The following MATK variants were observed in gnomAD, a reference collection of about 807,000 sequenced individuals.
The protein encoded by MATK is megakaryocyte-associated tyrosine-protein kinase.
MATK carries 41 observed loss-of-function variants against 59.8 expected under a neutral mutation model. The observed-to-expected ratio is 0.69, with a 90% confidence interval of 0.53 to 0.89. MATK has a LOEUF of 0.89. Ranked by LOEUF, MATK falls within the 40% of genes least tolerant of loss-of-function variation. The pLI is 0.00. For synonymous variants in MATK, 308 were observed against 306.1 expected, an observed-to-expected ratio of 1.01 and a Z score of -0.06; for missense variants, 593 against 719.6, an observed-to-expected ratio of 0.82 and a Z score of 2.01.
chr19:3,798,377 G>T (rs1373683039), intron 1 of MATK, among the ~76,000 whole-genome samples: 1 of 152,030 alleles, frequency 6.6e-6, no homozygotes, highest in Non-Finnish European at 1.5e-5. Flanking sequence ...GGCGGGTGGG[G>T]GTGGGGGTCA....
chr19:3,780,768 AC>A (rs1457129590), intron 8 of MATK, among the ~76,000 whole-genome samples: 11 of 147,954 alleles, frequency 7.4e-5, no homozygotes, highest in Non-Finnish European at 1.3e-4. Context: ...ACAGGGTCTC[AC>A]TCTCTCACCC....
intron 1 of MATK, among the ~76,000 whole-genome samples, chr19:3,800,141 C>CAAA (rs1219497192): frequency 4.2e-4 from 36 of 85,566 alleles, no homozygotes; most frequent in African/African-American, 1.5e-3. Flanking sequence ...GACTCCGTCT[C>CAAA]AAAAAAAAAA....
rs1568406520 is a variant in MATK at position 3,783,214 on chromosome 19, G to A, written c.588C>T (p.Tyr196=). ...FCNLMDMVEH[Y]SKDKGAICTK... ...TGCAGATAGCGCCCTTGTCCTTGCTGTAATGCTGCAGGATGGTGGGACAGC... is the reference window on the plus strand; with the variant it reads ...TGCAGATAGCGCCCTTGTCCTTGCTATAATGCTGCAGGATGGTGGGACAGC... Residue 196 remains tyrosine (Y), a synonymous_variant, in exon 7 of 14, where the codon TAC becomes TAT. Coordinates refer to ENST00000310132, the MANE Select transcript of MATK (RefSeq NM_139355.3). 3 of 1,568,420 alleles carry A rather than the reference G, an allele frequency of 1.9e-6. No homozygotes were observed. Among genetic ancestry groups the A allele is most frequent in the Non-Finnish European group, 2.6e-6 (3 of 1,151,348 alleles).
chr19:3,778,994 C>A lies in MATK; in HGVS notation c.1195G>T (p.Gly399Trp). The change falls in exon 12 of 14, where the codon GGG (glycine) becomes TGG (tryptophan). Residue 399 changes from glycine to tryptophan, a missense_variant and splice_region_variant. Physicochemically the swap from Gly to Trp is radical, Grantham distance 184. Transcript: ENST00000310132. ...GGGTATGTGAAGGCAGGGCTCACCC[C>A]GTGTTTGAGAGCCTCGGGCGCCGTC... ...KWTAPEALKH[G>W]KFTSKSDVWS... The A allele has an allele frequency of 6.4e-7, 1 of 1,555,640 alleles. No homozygotes were observed. The highest frequency in any genetic ancestry group is 2.3e-5 in the East Asian group (1 of 44,302).
upstream of MATK, chr19:3,789,281 G>A: frequency 1.3e-6 from 1 of 779,076 alleles, no homozygotes; most frequent in Non-Finnish European, 2.4e-6. Flanking sequence ...ACCAGAAGCT[G>A]CTGCTGACCA....
upstream of MATK, among the ~76,000 whole-genome samples, chr19:3,787,974 G>A (rs894426388): frequency 6.6e-6 from 1 of 151,018 alleles, no homozygotes; most frequent in South Asian, 2.1e-4. Flanking sequence ...TGTTGCCCAG[G>A]CTGGCCTCAA....
chr19:3,800,843 T>C (rs1297319710), intron 1 of MATK, among the ~76,000 whole-genome samples: 2 of 152,172 alleles, frequency 1.3e-5, no homozygotes, highest in African/African-American at 2.4e-5. Flanking sequence ...TTTGCCATCT[T>C]AATCATTTTT....
chr19:3,798,065 TAATA>T (rs2037611485), intron 1 of MATK, among the ~76,000 whole-genome samples: 1 of 151,794 alleles, frequency 6.6e-6, no homozygotes, highest in Non-Finnish European at 1.5e-5. Flanking sequence ...TAAAAATAAA[TAATA>T]AATAAATAAG....
At chr19:3,795,639 G>A (rs1599208429) in intron 1 of MATK, among the ~76,000 whole-genome samples, 5 of 151,452 alleles carry the variant, frequency 3.3e-5, no homozygotes, top group South Asian at 4.2e-4. Context: ...GTAAAAAAAC[G>A]ATTTTAGCTG....
chr19:3,783,767 G>C (rs1427638740), intron 6 of MATK, 47 bp downstream of exon 6: 2 of 1,569,136 alleles, frequency 1.3e-6, no homozygotes, highest in African/African-American at 2.7e-5. Context: ...CGGAGTCCCT[G>C]GGCTGCCCCA....
intron 8 of MATK, 107 bp downstream of exon 8, chr19:3,781,500 A>G (rs1421460060): frequency 8.5e-7 from 1 of 1,175,316 alleles, no homozygotes; most frequent in Non-Finnish European, 1.3e-6. Context: ...TCAGCTGCAC[A>G]ACTAGTAGGT....
chr19:3,778,995 G>T lies in MATK; in HGVS notation c.1194C>A (p.His398Gln). The T allele has an allele frequency of 6.4e-7, 1 of 1,557,250 alleles. No homozygotes were observed. Among genetic ancestry groups the T allele is most frequent in the South Asian group, 1.2e-5 (1 of 86,252 alleles). ...GGTATGTGAAGGCAGGGCTCACCCC[G>T]TGTTTGAGAGCCTCGGGCGCCGTCC... is the stretch of plus-strand genomic sequence containing the variant. ...VKWTAPEALK[H>Q]GKFTSKSDVW... The change falls in exon 12 of 14, where the codon CAC becomes CAA. Residue 398 changes from histidine (H) to glutamine (Q), a missense_variant. Coordinates refer to ENST00000310132, the MANE Select transcript of MATK (RefSeq NM_139355.3).
At chr19:3,784,605 G>A in intron 3 of MATK, 154 bp from the exon 4 acceptor site, 1 of 653,484 alleles carries the variant, frequency 1.5e-6, no homozygotes, top group Admixed American at 2.6e-5. Context: ...TCGGGGGAAA[G>A]AAAGGGGGAG....
intron 8 of MATK, 47 bp downstream of exon 8, chr19:3,781,560 G>C (rs766826961): frequency 1.3e-6 from 2 of 1,592,264 alleles, no homozygotes; most frequent in Non-Finnish European, 8.6e-7. Flanking sequence ...GCCTCAATAC[G>C]CACCTCCCAT....
intron 3 of MATK, 185 bp downstream of exon 3, chr19:3,784,640 G>C (rs1192607325): frequency 1.8e-5 from 12 of 662,320 alleles, no homozygotes; most frequent in Non-Finnish European, 1.3e-5. Context: ...AGAAATCGTA[G>C]AGTCACAAAG....
chr19:3,792,368 C>T (rs891371800), intron 1 of MATK, among the ~76,000 whole-genome samples: 17 of 152,148 alleles, frequency 1.1e-4, no homozygotes, highest in Admixed American at 9.8e-4. Context: ...TTGGGATTGG[C>T]TGGCTGGGAT....
chr19:3,783,647 A>C (rs977980307), intron 6 of MATK, among the ~76,000 whole-genome samples, 167 bp downstream of exon 6: 20 of 152,010 alleles, frequency 1.3e-4, no homozygotes, highest in African/African-American at 4.8e-4. Flanking sequence ...CACAGAGCTC[A>C]GGGGGTCCCG....
chr19:3,781,685 G>C lies in MATK; in HGVS notation c.677-13C>G, dbSNP rs2037404111. 4 of 1,611,134 alleles carry C rather than the reference G, an allele frequency of 2.5e-6. No individual in the cohort carries two copies. The highest frequency in any genetic ancestry group is 3.4e-6 in the Non-Finnish European group (4 of 1,179,016). On this transcript the variant is annotated splice_polypyrimidine_tract_variant and intron_variant, in intron 7 of 13. Transcript: ENST00000310132. ...AGTAACCAGCCCGCTGTGGAGTGAA[G>C]ACCCAGTCAGAGGGGTAATGGGCCC...
chr19:3,783,469 C>A (rs2037430518), intron 6 of MATK, among the ~76,000 whole-genome samples: 1 of 152,100 alleles, frequency 6.6e-6, no homozygotes, highest in African/African-American at 2.4e-5. Flanking sequence ...CAGGCTGACT[C>A]AGGCCACCTG....
Sources: gnomAD v4.1 joint callset for allele counts (sites outside exome capture counted in the v4.1 genomes callset) on GRCh38, gnomAD v4.1.1 for gene constraint, MANE v1.5 for transcripts, NCBI Gene and HGNC (gene_info 2026-07-23, HGNC 2026-07-21) for gene names.